The following SLC25A12 variants were observed in gnomAD, a reference collection of about 807,000 sequenced individuals.
SLC25A12 encodes solute carrier family 25 member 12, also known as electrogenic aspartate/glutamate antiporter SLC25A12, mitochondrial.
SLC25A12 carries 32 observed loss-of-function variants against 83.3 expected under a neutral mutation model. The observed-to-expected ratio is 0.38, with a 90% confidence interval of 0.29 to 0.52. SLC25A12 has a LOEUF of 0.52. SLC25A12 is among the 20% of genes least tolerant of loss of function. The pLI is 0.84. For missense variants in SLC25A12, 611 were observed against 835.6 expected, an observed-to-expected ratio of 0.73 and a Z score of 3.31; for synonymous variants, 267 against 291.1, an observed-to-expected ratio of 0.92 and a Z score of 0.84.
chr2:171,787,727 G>C, intron 16 of SLC25A12, 62 bp downstream of exon 16: 18 of 1,607,654 alleles, frequency 1.1e-5, no homozygotes, highest in Non-Finnish European at 1.5e-5. Context: ...GATAGCCACT[G>C]AGTCACAGGG....
At chr2:171,849,558 CTTTTTT>C (rs72304626) in intron 4 of SLC25A12, among the ~76,000 whole-genome samples, 1 of 114,586 alleles carries the variant, frequency 8.7e-6, no homozygotes, top group Non-Finnish European at 1.7e-5. Flanking sequence ...GTGGTGTGAT[CTTTTTT>C]TTTTTTTTTT....
intron 2 of SLC25A12, among the ~76,000 whole-genome samples, chr2:171,888,419 T>TAA (rs1158695563): frequency 6.6e-6 from 1 of 151,276 alleles, no homozygotes; most frequent in Admixed American, 6.6e-5. Context: ...TACTTTCAAA[T>TAA]AAAAATATAT....
At chr2:171,791,048 G>GTATA (rs1313181539) in intron 15 of SLC25A12, among the ~76,000 whole-genome samples, 1 of 152,092 alleles carries the variant, frequency 6.6e-6, no homozygotes, top group Non-Finnish European at 1.5e-5. Context: ...ATACAGAAGA[G>GTATA]AGAAAGTAAG....
chr2:171,882,386 T>C (rs1268722516), intron 2 of SLC25A12, among the ~76,000 whole-genome samples: 1 of 152,138 alleles, frequency 6.6e-6, no homozygotes, highest in African/African-American at 2.4e-5. Context: ...CTTGGGGTAT[T>C]AGGGAGGACA....
At chr2:171,790,319 T>C (rs1683424012) in intron 15 of SLC25A12, among the ~76,000 whole-genome samples, 1 of 152,160 alleles carries the variant, frequency 6.6e-6, no homozygotes, top group South Asian at 2.1e-4. Context: ...TCATTACTGG[T>C]TGTATAGAGA....
Position 171,801,907 on chromosome 2 carries a change from C to CTGTGTGTGTGTG in SLC25A12, c.1305+7687_1305+7698dup, listed in dbSNP as rs3058854. Among the ~76,000 whole-genome samples, 11 of 145,498 alleles carry CTGTGTGTGTGTG rather than the reference C, an allele frequency of 7.6e-5. 1 individual carries two copies. The highest frequency in any genetic ancestry group is 2.5e-4 in the African/African-American group (10 of 39,244). On this transcript the variant is annotated intron_variant, in intron 13 of 17. Coordinates refer to ENST00000422440, the MANE Select transcript of SLC25A12 (RefSeq NM_003705.5). The stretch of plus-strand genomic sequence containing the variant: ...ATTGGAAGTCGAGGAATATCTGGAT[C>CTGTGTGTGTGTG]TGTGTGTGTGTGTGTGTGTGTGTGT...
chr2:171,839,647 A>G (rs1684631735), intron 5 of SLC25A12, among the ~76,000 whole-genome samples: 1 of 152,244 alleles, frequency 6.6e-6, no homozygotes. Context: ...GCAAGGACAA[A>G]GACAACAGAA....
At chr2:171,853,523 A>C (rs1209899372) in intron 4 of SLC25A12, among the ~76,000 whole-genome samples, 2 of 152,224 alleles carry the variant, frequency 1.3e-5, no homozygotes, top group African/African-American at 4.8e-5. Flanking sequence ...TCTACTAAAA[A>C]TACAAAAATT....
In SLC25A12 at chr2:171,809,656, T is replaced by G. The variant is rs1407344364; in HGVS notation, c.1255A>C (p.Arg419=). 1 of 1,614,090 alleles carries G rather than the reference T, an allele frequency of 6.2e-7. No homozygotes were observed. Among genetic ancestry groups the G allele is most frequent in the South Asian group, 1.1e-5 (1 of 91,084 alleles). Residue 419 remains arginine, a synonymous_variant, in exon 13 of 18, where the codon AGA becomes CGA. Coordinates refer to ENST00000422440, the MANE Select transcript of SLC25A12 (RefSeq NM_003705.5). ...VNDFVRDKFT[R]RDGSVPLPAE... The stretch of plus-strand genomic sequence containing the variant: ...GGAAGTGGAACAGAGCCATCTCTTC[T>G]GGTAAATTTGTCCCGAACAAAATCA...
intron 2 of SLC25A12, among the ~76,000 whole-genome samples, chr2:171,889,360 C>T (rs1055107594): frequency 8.5e-5 from 13 of 152,182 alleles, no homozygotes; most frequent in South Asian, 4.1e-4. Flanking sequence ...ATACCAAATT[C>T]GATAGATTCT....
At chr2:171,864,283 A>C (rs1435986828) in intron 3 of SLC25A12, among the ~76,000 whole-genome samples, 1 of 152,246 alleles carries the variant, frequency 6.6e-6, no homozygotes, top group Non-Finnish European at 1.5e-5. Flanking sequence ...TGAAACTGCC[A>C]TAACAAGCCA....
chr2:171,826,022 T>C (rs1330078305), intron 9 of SLC25A12, among the ~76,000 whole-genome samples: 6 of 152,232 alleles, frequency 3.9e-5, no homozygotes, highest in Admixed American at 1.3e-4. Flanking sequence ...GTCAGGGTTT[T>C]CTTTCTGGTT....
chr2:171,812,616 C>G (rs1332489899), intron 11 of SLC25A12, among the ~76,000 whole-genome samples: 1 of 111,952 alleles, frequency 8.9e-6, no homozygotes, highest in African/African-American at 2.6e-5. Flanking sequence ...CCTACAAAGA[C>G]AACGGGGGGT....
At chr2:171,827,781 C>A (rs754561917) in intron 8 of SLC25A12, among the ~76,000 whole-genome samples, 2 of 152,200 alleles carry the variant, frequency 1.3e-5, no homozygotes, top group Non-Finnish European at 2.9e-5. Context: ...AGACCCTCCA[C>A]TGGTAACATA....
At chr2:171,829,168 A>T (rs1684378890) in intron 8 of SLC25A12, among the ~76,000 whole-genome samples, 1 of 152,194 alleles carries the variant, frequency 6.6e-6, no homozygotes, top group South Asian at 2.1e-4. Flanking sequence ...TTTTAACCAT[A>T]ATATTGTATG....
At chr2:171,856,465 T>A (rs531666303) in intron 3 of SLC25A12, 1 of 154,102 alleles carries the variant, frequency 6.5e-6, no homozygotes, top group South Asian at 2.0e-4. Flanking sequence ...AACTATTCAC[T>A]AATTTACAGA....
intron 2 of SLC25A12, among the ~76,000 whole-genome samples, chr2:171,888,570 T>C (rs768975518): frequency 4.3e-4 from 65 of 152,228 alleles, no homozygotes; most frequent in African/African-American, 1.3e-3. Flanking sequence ...GCTTCCCTAG[T>C]AGCTGAGATT....
At chr2:171,810,323 G>C in intron 11 of SLC25A12, 47 bp from the exon 12 acceptor site, 1 of 1,420,592 alleles carries the variant, frequency 7.0e-7, no homozygotes, top group Non-Finnish European at 1.0e-6. Flanking sequence ...TACCAGACAT[G>C]AATACACAAG....
Position 171,813,462 on chromosome 2 carries a change from C to A in SLC25A12, c.1048G>T (p.Val350Leu). 1 of 1,614,020 alleles carries A rather than the reference C, an allele frequency of 6.2e-7. No homozygotes were observed. Among genetic ancestry groups the A allele is most frequent in the Non-Finnish European group, 8.5e-7 (1 of 1,179,944 alleles). ...GATAVYPIDLVKTRMQNQRGS... is the reference protein window; with the variant it reads ...GATAVYPIDLLKTRMQNQRGS... The stretch of plus-strand genomic sequence containing the variant: ...CGCTGGTTTTGCATTCGGGTCTTCA[C>A]CAGATCTATAGGATACACTGCAGTG... The change falls in exon 11 of 18, where the codon GTG becomes TTG. Residue 350 changes from valine to leucine, a missense_variant. Coordinates refer to ENST00000422440, the MANE Select transcript of SLC25A12 (RefSeq NM_003705.5).
Sources: gnomAD v4.1 joint callset for allele counts (sites outside exome capture counted in the v4.1 genomes callset) on GRCh38, gnomAD v4.1.1 for gene constraint, MANE v1.5 for transcripts, NCBI Gene and HGNC (gene_info 2026-07-23, HGNC 2026-07-21) for gene names.